Variants in PTPRG observed in about 807,000 individuals in gnomAD.
PTPRG encodes the protein protein tyrosine phosphatase receptor type G.
A neutral mutation model predicts 165.3 loss-of-function variants in PTPRG; 102 were observed. That is an observed-to-expected ratio of 0.62 (90% CI 0.53 to 0.73). The LOEUF is 0.73. Among genes scored for constraint, PTPRG ranks in the 30% least tolerant of loss-of-function variants. PTPRG has a pLI of 0.00. For missense variants in PTPRG, 1,866 were observed against 1,861.4 expected (o/e 1.00, Z -0.05); for synonymous variants, 675 against 669.5 (o/e 1.01, Z -0.13).
chr3:61,664,244 G>A (rs546093508), intron 1 of PTPRG, among the ~76,000 whole-genome samples: 10 of 152,194 alleles, frequency 6.6e-5, no homozygotes, highest in East Asian at 3.9e-4. Context: ...CTAGTGTCAC[G>A]CCCCTCGCAT....
At chr3:61,669,722 G>C (rs1559548817) in intron 1 of PTPRG, among the ~76,000 whole-genome samples, 1 of 152,142 alleles carries the variant, frequency 6.6e-6, no homozygotes, top group African/African-American at 2.4e-5. Context: ...TTTCTACTAT[G>C]TGTCTTTTAT....
At chr3:61,567,391 G>T (rs1032220589) in intron 1 of PTPRG, among the ~76,000 whole-genome samples, 1 of 152,120 alleles carries the variant, frequency 6.6e-6, no homozygotes, top group Non-Finnish European at 1.5e-5. Flanking sequence ...ATGATTAAAA[G>T]ATAAAACTGG....
intron 15 of PTPRG, among the ~76,000 whole-genome samples, chr3:62,253,408 T>A (rs1199592341): frequency 6.6e-6 from 1 of 152,208 alleles, no homozygotes; most frequent in Non-Finnish European, 1.5e-5. Context: ...ATAGTCTACA[T>A]ACTAGAGTGA....
At chr3:62,095,870 T>A (rs1176826588) in intron 5 of PTPRG, among the ~76,000 whole-genome samples, 1 of 151,928 alleles carries the variant, frequency 6.6e-6, no homozygotes, top group Non-Finnish European at 1.5e-5. Flanking sequence ...GCATGAGCAA[T>A]GGCCCCAAGC....
At chr3:61,638,535 A>G (rs1575555913) in intron 1 of PTPRG, among the ~76,000 whole-genome samples, 1 of 151,098 alleles carries the variant, frequency 6.6e-6, no homozygotes, top group East Asian at 1.9e-4. Context: ...TAGAATTGAA[A>G]AAAAAAATCT....
At chr3:62,142,537 G>C (rs1040473146) in intron 6 of PTPRG, among the ~76,000 whole-genome samples, 3 of 152,168 alleles carry the variant, frequency 2.0e-5, no homozygotes, top group Non-Finnish European at 4.4e-5. Context: ...CATTAGAAAG[G>C]AAGAGATTCA....
chr3:61,982,812 C>CT (rs995398237), intron 2 of PTPRG, among the ~76,000 whole-genome samples: 15 of 151,984 alleles, frequency 9.9e-5, no homozygotes, highest in Middle Eastern at 3.2e-3. Flanking sequence ...ACATCCAGTC[C>CT]TAAAATAGAC....
intron 2 of PTPRG, among the ~76,000 whole-genome samples, chr3:61,828,085 A>G (rs528006265): frequency 1.3e-5 from 2 of 152,328 alleles, no homozygotes; most frequent in East Asian, 3.9e-4. Flanking sequence ...TGCTGGTCAT[A>G]CTGAGTCATT....
chr3:61,637,654 T>TTC (rs1701949731), intron 1 of PTPRG, among the ~76,000 whole-genome samples: 1 of 152,198 alleles, frequency 6.6e-6, no homozygotes, highest in South Asian at 2.1e-4. Flanking sequence ...AACTGTAGAC[T>TTC]TCTTAGGAGT....
intron 1 of PTPRG, among the ~76,000 whole-genome samples, chr3:61,642,033 C>G (rs901255557): frequency 2.0e-5 from 3 of 152,190 alleles, no homozygotes; most frequent in African/African-American, 7.2e-5. Context: ...GCCCGCAAGG[C>G]CGCTGCAGGG....
chr3:61,632,816 C>G (rs1701805085), intron 1 of PTPRG, among the ~76,000 whole-genome samples: 1 of 152,188 alleles, frequency 6.6e-6, no homozygotes, highest in African/African-American at 2.4e-5. Flanking sequence ...CCCCTCCCCT[C>G]CCTGCCCATG....
intron 2 of PTPRG, among the ~76,000 whole-genome samples, chr3:61,873,156 G>T (rs1302320230): frequency 6.6e-6 from 1 of 152,098 alleles, no homozygotes; most frequent in Non-Finnish European, 1.5e-5. Context: ...GTAATTTAGA[G>T]AAATTTTGAT....
intron 1 of PTPRG, among the ~76,000 whole-genome samples, chr3:61,585,341 A>C (rs979399964): frequency 1.3e-5 from 2 of 151,766 alleles, no homozygotes; most frequent in African/African-American, 4.8e-5. Flanking sequence ...TCATATAGGT[A>C]CGTGGAGGAA....
intron 1 of PTPRG, among the ~76,000 whole-genome samples, chr3:61,662,825 T>C (rs1401820962): frequency 3.3e-5 from 5 of 152,148 alleles, no homozygotes; most frequent in Non-Finnish European, 5.9e-5. Flanking sequence ...AAAAGGCCTC[T>C]CAACTAAGAC....
chr3:62,165,991 C>T (rs985807327), intron 7 of PTPRG, among the ~76,000 whole-genome samples: 2 of 151,922 alleles, frequency 1.3e-5, no homozygotes, highest in African/African-American at 4.8e-5. Context: ...GTATTAACTG[C>T]CTTCTGGTTC....
intron 1 of PTPRG, among the ~76,000 whole-genome samples, chr3:61,689,592 C>T (rs1280293824): frequency 6.6e-6 from 1 of 152,132 alleles, no homozygotes; most frequent in African/African-American, 2.4e-5. Context: ...ATGCTGAGGA[C>T]CTTGGAAATT....
chr3:62,258,772 T>C (rs1701609770), intron 16 of PTPRG, among the ~76,000 whole-genome samples: 1 of 152,170 alleles, frequency 6.6e-6, no homozygotes. Flanking sequence ...TGTGATAGCG[T>C]TGGATGACAC....
At chr3:61,912,758 C>T (rs2038835424) in intron 2 of PTPRG, among the ~76,000 whole-genome samples, 1 of 152,154 alleles carries the variant, frequency 6.6e-6, no homozygotes, top group South Asian at 2.1e-4. Flanking sequence ...TCTTGTAAAA[C>T]ATTTGAATTA....
chr3:61,748,707 TTGTC>T (rs1292224673), intron 1 of PTPRG, among the ~76,000 whole-genome samples, 167 bp from the exon 2 acceptor site: 1 of 145,960 alleles, frequency 6.9e-6, no homozygotes, highest in Non-Finnish European at 1.5e-5. Context: ...TAATAATAAT[TTGTC>T]TGGACTTTCC....
Sources: gnomAD v4.1 joint callset for allele counts (sites outside exome capture counted in the v4.1 genomes callset) on GRCh38, gnomAD v4.1.1 for gene constraint, MANE v1.5 for transcripts, NCBI Gene and HGNC (gene_info 2026-07-23, HGNC 2026-07-21) for gene names.